Variants in COL10A1 observed in about 807,000 individuals in gnomAD.
The protein encoded by COL10A1 is collagen alpha-1(X) chain.
A neutral mutation model predicts 18.2 loss-of-function variants in COL10A1; 10 were observed. The observed-to-expected ratio is 0.55, with a 90% CI of 0.34 to 0.93. The LOEUF is 0.93. COL10A1 is among the 40% of genes least tolerant of loss of function. The pLI is 0.02. For missense variants in COL10A1, 897 were observed against 853.5 expected (o/e 1.05, Z -0.64); for synonymous variants, 330 against 316.6 (o/e 1.04, Z -0.45).
chr6:116,206,271 C>G, the COL10A1 span, among the ~76,000 whole-genome samples: 1 of 151,970 alleles, frequency 6.6e-6, no homozygotes, highest in African/African-American at 2.4e-5. Flanking sequence ...AAAAATAGCT[C>G]TAACACAAAA....
At chr6:116,149,482 CTT>C (rs1381014658) in intron 1 of COL10A1, among the ~76,000 whole-genome samples, 2 of 152,092 alleles carry the variant, frequency 1.3e-5, no homozygotes, top group Non-Finnish European at 2.9e-5. Flanking sequence ...TCAAAGGCTA[CTT>C]TAGTAGGATA....
At chr6:116,159,775 C>T (rs1431432541), upstream of COL10A1, among the ~76,000 whole-genome samples, 1 of 152,160 alleles carries the variant, frequency 6.6e-6, no homozygotes. Flanking sequence ...CATGTGCTTT[C>T]CCCCAGCCCC....
the COL10A1 span, among the ~76,000 whole-genome samples, chr6:116,202,761 CAA>C: frequency 6.6e-6 from 1 of 151,968 alleles, no homozygotes; most frequent in African/African-American, 2.4e-5. Flanking sequence ...AATATTAAGA[CAA>C]TGACAGCTAT....
At chr6:116,214,966 A>G in the COL10A1 span, among the ~76,000 whole-genome samples, 1 of 152,036 alleles carries the variant, frequency 6.6e-6, no homozygotes, top group Non-Finnish European at 1.5e-5. Flanking sequence ...GCTCCACCAG[A>G]GGTCTCTAGG....
chr6:116,152,488 A>G (rs1338840534), intron 1 of COL10A1, among the ~76,000 whole-genome samples: 1 of 152,108 alleles, frequency 6.6e-6, no homozygotes, highest in East Asian at 1.9e-4. Context: ...TATCTACCCC[A>G]CCGTGCCAGA....
upstream of COL10A1, among the ~76,000 whole-genome samples, chr6:116,162,634 G>C (rs751979827): frequency 3.9e-4 from 59 of 152,092 alleles, no homozygotes; most frequent in Non-Finnish European, 6.8e-4. Context: ...CCACTTGATC[G>C]TGATGAATTA....
the COL10A1 span, among the ~76,000 whole-genome samples, chr6:116,185,084 G>C: frequency 6.6e-6 from 1 of 151,996 alleles, no homozygotes; most frequent in African/African-American, 2.4e-5. Context: ...TAAGTTTAAA[G>C]AATTTTTAAA....
chr6:116,121,039 G>A lies in COL10A1; in HGVS notation c.1077C>T (p.Gly359=). 6.2e-7 allele frequency: 1 copy of A among 1,614,038 alleles called. No individual in the cohort carries two copies. Among genetic ancestry groups the A allele is most frequent in the Non-Finnish European group, 8.5e-7 (1 of 1,179,942 alleles). The change falls in exon 3 of 3, where the codon GGC becomes GGT. Residue 359 remains glycine (G), a synonymous_variant. Coordinates refer to ENST00000651968, the MANE Select transcript of COL10A1 (RefSeq NM_000493.4). The part of the protein sequence containing the change: ...KGIPGSHGLP[G]PKGETGPAGP... ...CAGCTGGCCCTGTCTCACCTTTAGGGCCTGGGAGACCATGGCTACCCGGGA... is the reference window on the plus strand; with the variant it reads ...CAGCTGGCCCTGTCTCACCTTTAGGACCTGGGAGACCATGGCTACCCGGGA...
chr6:116,169,472 G>T, the COL10A1 span, among the ~76,000 whole-genome samples: 23 of 152,336 alleles, frequency 1.5e-4, no homozygotes, highest in East Asian at 3.3e-3. Context: ...AGAATATCAT[G>T]ATAGGTGCCG....
chr6:116,170,561 G>A, the COL10A1 span, among the ~76,000 whole-genome samples: 4 of 152,124 alleles, frequency 2.6e-5, no homozygotes, highest in African/African-American at 9.7e-5. Flanking sequence ...AGTAATCAGT[G>A]CACCTTAGCT....
At chr6:116,184,316 G>A in the COL10A1 span, among the ~76,000 whole-genome samples, 4 of 151,938 alleles carry the variant, frequency 2.6e-5, no homozygotes, top group African/African-American at 9.7e-5. Flanking sequence ...ATTTTGTTGA[G>A]GATTTTGCAT....
At chr6:116,208,155 A>G in the COL10A1 span, among the ~76,000 whole-genome samples, 1 of 151,874 alleles carries the variant, frequency 6.6e-6, no homozygotes, top group African/African-American at 2.4e-5. Flanking sequence ...ATTTTTTCTG[A>G]TCTCTTTGTG....
chr6:116,167,785 T>C, the COL10A1 span, among the ~76,000 whole-genome samples: 3 of 152,182 alleles, frequency 2.0e-5, no homozygotes, highest in Non-Finnish European at 2.9e-5. Context: ...CAAGTTGTTA[T>C]GAATAGATAT....
chr6:116,141,754 CTTTTG>C (rs1484056716), intron 1 of COL10A1, among the ~76,000 whole-genome samples: 2 of 148,466 alleles, frequency 1.3e-5, no homozygotes, highest in Non-Finnish European at 3.0e-5. Context: ...ACATTTTCTT[CTTTTG>C]TTTTTTTTTT....
chr6:116,153,615 C>A (rs1780107956), intron 1 of COL10A1, among the ~76,000 whole-genome samples: 1 of 152,056 alleles, frequency 6.6e-6, no homozygotes, highest in Admixed American at 6.6e-5. Flanking sequence ...CTATTAGGTA[C>A]CTAGTTAGGC....
chr6:116,158,843 T>C (rs1018015231), upstream of COL10A1: 9 of 152,184 alleles, frequency 5.9e-5, no homozygotes, highest in African/African-American at 2.2e-4. Flanking sequence ...CGAATGATGG[T>C]TTGCCTTCTG....
chr6:116,168,772 A>G, the COL10A1 span, among the ~76,000 whole-genome samples: 3 of 151,990 alleles, frequency 2.0e-5, no homozygotes, highest in Non-Finnish European at 4.4e-5. Context: ...TACAGAGAAA[A>G]ATGTTGAGGT....
chr6:116,175,884 A>G, the COL10A1 span, among the ~76,000 whole-genome samples: 3 of 151,964 alleles, frequency 2.0e-5, no homozygotes, highest in Non-Finnish European at 2.9e-5. Flanking sequence ...GATAATTCCA[A>G]TGTATGAATC....
At chr6:116,211,982 G>A in the COL10A1 span, among the ~76,000 whole-genome samples, 1 of 152,026 alleles carries the variant, frequency 6.6e-6, no homozygotes, top group Non-Finnish European at 1.5e-5. Flanking sequence ...TTTAGGATAA[G>A]AACCCAGGCT....
Sources: gnomAD v4.1 joint callset for allele counts (sites outside exome capture counted in the v4.1 genomes callset) on GRCh38, gnomAD v4.1.1 for gene constraint, MANE v1.5 for transcripts, NCBI Gene and HGNC (gene_info 2026-07-23, HGNC 2026-07-21) for gene names.